CCDC85C: variants seen among roughly 807,000 people sequenced by gnomAD.
The protein encoded by CCDC85C is coiled-coil domain-containing protein 85C.
Under a neutral mutation model 38.3 loss-of-function variants are expected in CCDC85C, and 18 were observed. That is an observed-to-expected ratio of 0.47 (90% CI 0.33 to 0.70). The LOEUF (loss-of-function observed/expected upper bound fraction) is 0.70. Among genes scored for constraint, CCDC85C ranks in the 30% least tolerant of loss-of-function variants. CCDC85C has a pLI of 0.03. For missense variants in CCDC85C, 566 were observed against 621.2 expected (o/e 0.91, Z 0.94); for synonymous variants, 264 against 293.8 (o/e 0.90, Z 1.04).
At chr14:99,538,979 C>T (rs766302108) in intron 1 of CCDC85C, among the ~76,000 whole-genome samples, 4 of 152,316 alleles carry the variant, frequency 2.6e-5, no homozygotes, top group Non-Finnish European at 4.4e-5. Context: ...CACACACCCA[C>T]GGCCCCAGAC....
rs765779139 is a variant in CCDC85C at position 99,603,774 on chromosome 14, C to T, written c.186G>A (p.Gln62=). The part of the protein sequence containing the change: ...LMRDVNRRLQ[Q]HLLEIRGLKD... ...TGAGGCCGCGGATCTCCAGCAGGTG[C>T]TGCTGCAGCCGCCGGTTCACGTCGC... Residue 62 remains glutamine (Q), a synonymous_variant, in exon 1 of 6, where the codon CAG becomes CAA. Transcript: ENST00000380243. This position sits in a 1 kb window ranked among gnomAD's most constrained non-coding sequence, Gnocchi z 7.5. 1 of 1,526,132 alleles carries T rather than the reference C, an allele frequency of 6.6e-7. No homozygotes were observed. The highest frequency in any genetic ancestry group is 1.4e-5 in the African/African-American group (1 of 71,786). 94.5% of individuals were successfully genotyped at this position (1,526,132 alleles called of 1,614,324 possible).
intron 1 of CCDC85C, among the ~76,000 whole-genome samples, chr14:99,549,215 T>C (rs1259209915): frequency 6.6e-6 from 1 of 152,198 alleles, no homozygotes; most frequent in Non-Finnish European, 1.5e-5. Context: ...TATTTCTTAA[T>C]AAGAAGTAAG....
In CCDC85C at chr14:99,545,070, C is replaced by T. The variant is rs1181213419; in HGVS notation, c.794-8982G>A. ...AGCTAGAGAAGAGGAAAACGAACGG[C>T]TGCCCTAATGAGAATGAAATCTCCT... On this transcript the variant is annotated intron_variant, in intron 1 of 5. Transcript: ENST00000380243. This position sits in a 1 kb window ranked among gnomAD's most constrained non-coding sequence, Gnocchi z 4.7. Among the ~76,000 whole-genome samples the T allele has an allele frequency of 6.6e-6, 1 of 152,220 alleles. No individual in the cohort carries two copies. Among genetic ancestry groups the T allele is most frequent in the Admixed American group, 6.5e-5 (1 of 15,290 alleles).
chr14:99,505,444 C>A lies in CCDC85C; in HGVS notation c.*9802G>T, dbSNP rs1896950235. On this transcript the variant is annotated 3_prime_UTR_variant, in exon 6 of 6. Coordinates refer to ENST00000380243, the MANE Select transcript of CCDC85C (RefSeq NM_001144995.2). ...TCCAAGAAAGGAGAACGTAAGACAT[C>A]TCATTAGTAAAGCTTTATATTGGTT... 6.6e-6 allele frequency: 1 copy of A among 152,226 alleles called. No individual in the cohort carries two copies. Among genetic ancestry groups the A allele is most frequent in the African/African-American group, 2.4e-5 (1 of 41,464 alleles). The allele number at this position is 152,226 out of a possible 1,614,324, so 9.4% of individuals were successfully genotyped here. A position where few individuals can be genotyped will look rare whatever the true frequency, so the allele number is the denominator to read the frequency against.
chr14:99,568,245 C>CTTTTT (rs1319862896), intron 1 of CCDC85C, among the ~76,000 whole-genome samples: 2 of 74,530 alleles, frequency 2.7e-5, no homozygotes, highest in Non-Finnish European at 5.3e-5. Context: ...GGCCACCTGC[C>CTTTTT]CTTTATTTTT....
At chr14:99,590,831 C>G (rs1037569783) in intron 1 of CCDC85C, among the ~76,000 whole-genome samples, 1 of 152,198 alleles carries the variant, frequency 6.6e-6, no homozygotes, top group African/African-American at 2.4e-5. Context: ...AACCCCCAAC[C>G]AACACACCAG....
chr14:99,565,531 A>C (rs1217424473), intron 1 of CCDC85C, among the ~76,000 whole-genome samples: 1 of 152,202 alleles, frequency 6.6e-6, no homozygotes, highest in Non-Finnish European at 1.5e-5. Flanking sequence ...AAGCCTAAAA[A>C]TTAGGTTGGT....
At chr14:99,595,317 G>A (rs574091653) in intron 1 of CCDC85C, among the ~76,000 whole-genome samples, 49 of 152,242 alleles carry the variant, frequency 3.2e-4, no homozygotes, top group Non-Finnish European at 6.2e-4. Flanking sequence ...GTGCAGTGGC[G>A]CGATGGCTCA....
At chr14:99,530,090 C>T (rs1175148230) in intron 2 of CCDC85C, among the ~76,000 whole-genome samples, 3 of 152,184 alleles carry the variant, frequency 2.0e-5, no homozygotes, top group Admixed American at 2.0e-4. Flanking sequence ...CTGCACTTGG[C>T]CTGTCAGCCC....
Position 99,515,163 on chromosome 14 carries a change from T to G in CCDC85C, c.*83A>C, listed in dbSNP as rs1362925684. On this transcript the variant is annotated 3_prime_UTR_variant, in exon 6 of 6. Coordinates refer to ENST00000380243, the MANE Select transcript of CCDC85C (RefSeq NM_001144995.2). ...CAGAGGAAGAAGACAGGGGCTGGGC[T>G]GGAGGTCCTGCCCGTGTCTGGGGCC... The G allele has an allele frequency of 3.1e-6, 3 of 959,676 alleles. No homozygotes were observed. Among genetic ancestry groups the G allele is most frequent in the Admixed American group, 4.3e-5 (2 of 46,054 alleles). The allele number at this position is 959,676 out of a possible 1,614,324, so 59.4% of individuals were successfully genotyped here.
rs1039844197 is a variant in CCDC85C, at chr14:99,510,000, C to T, written c.*5246G>A. On this transcript the variant is annotated 3_prime_UTR_variant, in exon 6 of 6. Transcript: ENST00000380243. ...CAGATGGTGGGGAGACATCTGGTGG[C>T]ATCAGGACATGGGGCATGGGCCCAT... The T allele has an allele frequency of 2.6e-5, 18 of 685,900 alleles. No individual in the cohort carries two copies. The East Asian group carries it at 4.4e-4, about 17-fold the overall frequency. The allele number at this position is 685,900 out of a possible 1,614,324, so 42.5% of individuals were successfully genotyped here. A position where few individuals can be genotyped will look rare whatever the true frequency, so the allele number is the denominator to read the frequency against.
Position 99,503,098 on chromosome 14 carries a change from CG to C in CCDC85C, c.*12147del. Reference sequence around the variant, plus strand: ...GGGAACACCGGAAGCAGGGGGTGTTCGCCGAAACTCGCAGTCCGACTGCTTG... The same window carrying C: ...GGGAACACCGGAAGCAGGGGGTGTTCCCGAAACTCGCAGTCCGACTGCTTG... On this transcript the variant is annotated 3_prime_UTR_variant, in exon 6 of 6. Transcript: ENST00000380243. 8.5e-7 allele frequency: 1 copy of C among 1,172,140 alleles called. No homozygotes were observed. 72.6% of individuals were successfully genotyped at this position (1,172,140 alleles called of 1,614,324 possible). A position where few individuals can be genotyped will look rare whatever the true frequency, so the allele number is the denominator to read the frequency against.
intron 1 of CCDC85C, among the ~76,000 whole-genome samples, chr14:99,577,057 A>G (rs530394128): frequency 6.6e-6 from 1 of 152,064 alleles, no homozygotes; most frequent in Non-Finnish European, 1.5e-5. Flanking sequence ...GTCACAGCAG[A>G]CATTGTTGCG....
rs149147796 is a variant in CCDC85C at position 99,503,154 on chromosome 14, C to T, written c.*12092G>A. 1,334 of 793,646 alleles carry T rather than the reference C, an allele frequency of 1.7e-3. 9 individuals carry two copies. In the African/African-American group the frequency reaches 0.02, roughly 12 times the overall value. The allele number at this position is 793,646 out of a possible 1,614,324, so 49.2% of individuals were successfully genotyped here. ...TGGGGAGCCTGAAAACAAAGGTGCT[C>T]CAAGGACAGGCTGCCTCTGAGAACC... On this transcript the variant is annotated 3_prime_UTR_variant, in exon 6 of 6. Transcript: ENST00000380243.
chr14:99,587,781 G>A (rs1013720588), intron 1 of CCDC85C, among the ~76,000 whole-genome samples: 4 of 152,256 alleles, frequency 2.6e-5, no homozygotes, highest in South Asian at 2.1e-4. Flanking sequence ...CTTACTGCAC[G>A]GGGGCTGACT....
At chr14:99,530,155 G>C (rs1476453133) in intron 2 of CCDC85C, among the ~76,000 whole-genome samples, 2 of 152,196 alleles carry the variant, frequency 1.3e-5, no homozygotes, top group African/African-American at 2.4e-5. Context: ...CACTGCTGGT[G>C]CTAGGGCACG....
At chr14:99,537,088 A>G (rs114877297) in intron 1 of CCDC85C, among the ~76,000 whole-genome samples, 3,452 of 152,242 alleles carry the variant, frequency 0.023, 134 homozygotes, top group African/African-American at 0.078. Flanking sequence ...CCTGTGAGCC[A>G]CGAAGCCACC....
Position 99,516,106 on chromosome 14 carries a change from TG to T in CCDC85C, c.1170+81del. The T allele has an allele frequency of 1.9e-6, 2 of 1,068,458 alleles. No homozygotes were observed. The highest frequency in any genetic ancestry group is 2.0e-5 in the Admixed American group (1 of 50,144). 66.2% of individuals were successfully genotyped at this position (1,068,458 alleles called of 1,614,324 possible). On this transcript the variant is annotated intron_variant, in intron 5 of 5. Transcript: ENST00000380243. This position sits in a 1 kb window ranked among gnomAD's most constrained non-coding sequence, Gnocchi z 5.5. ...AGCATTCGAGAAATGGAGTCCCACA[TG>T]GGGAAGGGTATGGCCATGCTGGGTG...
chr14:99,582,786 C>T (rs888521231), intron 1 of CCDC85C, among the ~76,000 whole-genome samples: 2 of 151,966 alleles, frequency 1.3e-5, no homozygotes, highest in Admixed American at 6.6e-5. Context: ...TGCACTCCAG[C>T]CTGGGTGATA....
Sources: gnomAD v4.1 joint callset for allele counts (sites outside exome capture counted in the v4.1 genomes callset) on GRCh38, gnomAD v4.1.1 for gene constraint, Gnocchi (gnomAD v3.1) non-coding constraint, MANE v1.5 for transcripts, NCBI Gene and HGNC (gene_info 2026-07-23, HGNC 2026-07-21) for gene names.